PHACTR1: variants seen among roughly 807,000 people sequenced by gnomAD.
The protein encoded by PHACTR1 is RPEL repeat containing 1.
PHACTR1 carries 16 observed loss-of-function variants against 69.2 expected under a neutral mutation model. The ratio of observed to expected loss-of-function variants is 0.23; its 90% CI spans 0.16 to 0.35. The LOEUF (loss-of-function observed/expected upper bound fraction) is 0.35. Ranked by LOEUF, PHACTR1 falls within the 10% of genes least tolerant of loss-of-function variation. The pLI is 1.00. For missense variants in PHACTR1, 510 were observed against 734.7 expected, an observed-to-expected ratio of 0.69 and a Z score of 3.54; for synonymous variants, 312 against 284.5, an observed-to-expected ratio of 1.10 and a Z score of -0.97.
Position 13,219,783 on chromosome 6 carries a change from T to C in PHACTR1, c.987-8033T>C, listed in dbSNP as rs569333963. ...CATCTGTTATCCTTGCTTTTTGTTA[T>C]AAAAATATTATAGTCCACGGTTTTT... On this transcript the variant is annotated intron_variant, in intron 8 of 14. Transcript: ENST00000332995. 4.6e-5 allele frequency among the ~76,000 whole-genome samples: 7 copies of C among 152,338 alleles called. No individual in the cohort carries two copies. The South Asian group carries it at 1.4e-3, about 32-fold the overall frequency.
At chr6:12,833,445 G>C (rs911547582) in intron 4 of PHACTR1, among the ~76,000 whole-genome samples, 1 of 151,882 alleles carries the variant, frequency 6.6e-6, no homozygotes, top group Non-Finnish European at 1.5e-5. Context: ...TTTTAGTTGA[G>C]ACAGGGTTTC....
rs981990818 is a variant in PHACTR1 at position 13,245,219 on chromosome 6, C to T, written c.1391+15026C>T. On this transcript the variant is annotated intron_variant, in intron 10 of 14. Coordinates refer to ENST00000332995, the MANE Select transcript of PHACTR1 (RefSeq NM_030948.6). The surrounding 1 kb of genome is among the most constrained non-coding windows in gnomAD (Gnocchi z 4.1). ...ATACCCAGTAACGGGATTGCAAGGT[C>T]GACGGGTAATTCTGTTTTAAGTTCT... Among the ~76,000 whole-genome samples the T allele has an allele frequency of 3.9e-5, 6 of 152,162 alleles. No homozygotes were observed. The highest frequency in any genetic ancestry group is 2.0e-4 in the Admixed American group (3 of 15,274).
At chr6:13,040,838 C>T (rs978582755) in intron 4 of PHACTR1, among the ~76,000 whole-genome samples, 1 of 152,038 alleles carries the variant, frequency 6.6e-6, no homozygotes, top group African/African-American at 2.4e-5. Flanking sequence ...ATTGCTATTC[C>T]CATTTTTTGT....
intron 4 of PHACTR1, among the ~76,000 whole-genome samples, chr6:12,929,667 C>G (rs1456381333): frequency 1.3e-5 from 2 of 152,194 alleles, no homozygotes; most frequent in African/African-American, 4.8e-5. Context: ...CCAATCTCAC[C>G]TCTTTTGAGG....
chr6:12,996,880 G>A (rs1336297547), intron 4 of PHACTR1, among the ~76,000 whole-genome samples: 2 of 152,120 alleles, frequency 1.3e-5, no homozygotes, highest in Non-Finnish European at 2.9e-5. Flanking sequence ...ATTTATAAAT[G>A]TATGGCCGGG....
chr6:13,106,446 C>T (rs192697360), intron 5 of PHACTR1, among the ~76,000 whole-genome samples: 4 of 152,240 alleles, frequency 2.6e-5, no homozygotes, highest in Non-Finnish European at 5.9e-5. Flanking sequence ...ATGTTAGCTA[C>T]AGGTTATTTG....
chr6:12,987,610 C>A (rs1276098487), intron 4 of PHACTR1, among the ~76,000 whole-genome samples: 2 of 151,868 alleles, frequency 1.3e-5, no homozygotes, highest in African/African-American at 2.4e-5. Context: ...GATCTTCAAG[C>A]AGAATGATGG....
At chr6:12,826,749 A>G (rs1776844052) in intron 4 of PHACTR1, among the ~76,000 whole-genome samples, 1 of 152,200 alleles carries the variant, frequency 6.6e-6, no homozygotes, top group African/African-American at 2.4e-5. Context: ...TCCATAAATC[A>G]ATATAAAGGA....
intron 4 of PHACTR1, among the ~76,000 whole-genome samples, chr6:12,953,108 A>G (rs752386418): frequency 6.6e-5 from 10 of 152,148 alleles, no homozygotes; most frequent in Admixed American, 2.6e-4. Flanking sequence ...GGATCACCTG[A>G]GGTCAGGAGT....
At chr6:12,806,723 C>T (rs1184226118) in intron 4 of PHACTR1, among the ~76,000 whole-genome samples, 1 of 151,944 alleles carries the variant, frequency 6.6e-6, no homozygotes, top group African/African-American at 2.4e-5. Context: ...TTTAGTGAAG[C>T]AATAATTTTT....
At chr6:13,147,031 T>C (rs1823470467) in intron 5 of PHACTR1, among the ~76,000 whole-genome samples, 2 of 152,198 alleles carry the variant, frequency 1.3e-5, no homozygotes. Flanking sequence ...CACTGCAGGG[T>C]CACCTGTTTC....
intron 4 of PHACTR1, among the ~76,000 whole-genome samples, chr6:12,916,058 A>C (rs1786954272): frequency 1.3e-5 from 2 of 152,202 alleles, no homozygotes; most frequent in African/African-American, 4.8e-5. Context: ...GTATCTCTGT[A>C]ATGCGTGGCA....
At chr6:12,840,385 G>T (rs1778573287) in intron 4 of PHACTR1, among the ~76,000 whole-genome samples, 1 of 152,106 alleles carries the variant, frequency 6.6e-6, no homozygotes, top group South Asian at 2.1e-4. Flanking sequence ...TTTAAATACT[G>T]CCCATTTGTT....
intron 5 of PHACTR1, among the ~76,000 whole-genome samples, chr6:13,124,835 G>A (rs573555863): frequency 6.6e-6 from 1 of 152,270 alleles, no homozygotes; most frequent in African/African-American, 2.4e-5. Flanking sequence ...CTTCTTATAA[G>A]TATGTCTATG....
At chr6:13,204,040 G>A (rs961312365) in intron 7 of PHACTR1, among the ~76,000 whole-genome samples, 4 of 152,146 alleles carry the variant, frequency 2.6e-5, no homozygotes, top group African/African-American at 7.2e-5. Context: ...AGTGATCTGG[G>A]CCATAGGAGA....
chr6:13,271,682 CTA>C (rs1223275350), intron 10 of PHACTR1, among the ~76,000 whole-genome samples: 1 of 151,612 alleles, frequency 6.6e-6, no homozygotes, highest in Admixed American at 6.6e-5. Context: ...TAATTTTAGA[CTA>C]TTGTTTTTTG....
intron 4 of PHACTR1, among the ~76,000 whole-genome samples, chr6:12,965,240 C>G (rs551379639): frequency 1.3e-5 from 2 of 152,174 alleles, no homozygotes; most frequent in African/African-American, 2.4e-5. Context: ...AGTCAATCCT[C>G]ATTTTTCTTG....
At chr6:12,763,856 G>A (rs189344528) in intron 4 of PHACTR1, among the ~76,000 whole-genome samples, 113 of 152,222 alleles carry the variant, frequency 7.4e-4, no homozygotes, top group African/African-American at 2.6e-3. Flanking sequence ...TGTTAACTAA[G>A]ACCTTTGGTG....
chr6:12,932,518 C>G (rs946723087), intron 4 of PHACTR1, among the ~76,000 whole-genome samples: 2 of 152,136 alleles, frequency 1.3e-5, no homozygotes, highest in African/African-American at 4.8e-5. Context: ...TCTACTTATT[C>G]TTGAATAATC....
Sources: gnomAD v4.1 joint callset for allele counts (sites outside exome capture counted in the v4.1 genomes callset) on GRCh38, gnomAD v4.1.1 for gene constraint, Gnocchi (gnomAD v3.1) non-coding constraint, MANE v1.5 for transcripts, NCBI Gene and HGNC (gene_info 2026-07-23, HGNC 2026-07-21) for gene names.